NEDD4: variants seen among roughly 807,000 people sequenced by gnomAD.
NEDD4 encodes E3 ubiquitin-protein ligase NEDD4.
A neutral mutation model predicts 144.9 loss-of-function variants in NEDD4; 99 were observed. The observed-to-expected ratio is 0.68, with a 90% CI of 0.58 to 0.81. NEDD4 has a LOEUF of 0.81. Ranked by LOEUF, NEDD4 falls within the 30% of genes least tolerant of loss-of-function variation. NEDD4 has a pLI of 0.00. For missense variants in NEDD4, 985 were observed against 1,065.9 expected, an observed-to-expected ratio of 0.92 and a Z score of 1.06; for synonymous variants, 318 against 350.6, an observed-to-expected ratio of 0.91 and a Z score of 1.04.
chr15:55,911,623 G>A (rs187046644), intron 5 of NEDD4, among the ~76,000 whole-genome samples: 16 of 151,562 alleles, frequency 1.1e-4, no homozygotes, highest in Admixed American at 5.3e-4. Flanking sequence ...TCTGCCTCCC[G>A]GGTCCACGCC....
chr15:55,884,703 A>G (rs1304050723), intron 5 of NEDD4, among the ~76,000 whole-genome samples: 1 of 152,162 alleles, frequency 6.6e-6, no homozygotes, highest in Admixed American at 6.5e-5. Flanking sequence ...TTTATCAAGC[A>G]GAAGAAAGAA....
rs200224565 is a variant in NEDD4, at chr15:55,852,546, A to G, written c.1027-3T>C. 12 of 1,612,662 alleles carry G rather than the reference A, an allele frequency of 7.4e-6. No homozygotes were observed. The East Asian group carries it at 2.0e-4, about 27-fold the overall frequency. On this transcript the variant is annotated splice_polypyrimidine_tract_variant and splice_region_variant and intron_variant, in intron 12 of 28. Coordinates refer to ENST00000435532, the MANE Select transcript of NEDD4 (RefSeq NM_006154.4). ...AATCCAGATGAAGTAGGCAAAAGCTAAAGTGAAGAATAACAGAAGAATTAA... is the reference window on the plus strand; with the variant it reads ...AATCCAGATGAAGTAGGCAAAAGCTGAAGTGAAGAATAACAGAAGAATTAA...
In NEDD4 at chr15:55,848,443, A is replaced by G; in HGVS notation, c.1484-13T>C. On this transcript the variant is annotated splice_polypyrimidine_tract_variant and intron_variant, in intron 16 of 28. Transcript: ENST00000435532. ...GTTCTTTTTATATCTGAAGGGAAGA[A>G]AAAGAAAAAAGATGTACTTTCTCAC... is the stretch of plus-strand genomic sequence containing the variant. 6.2e-7 allele frequency: 1 copy of G among 1,614,048 alleles called. No homozygotes were observed. Among genetic ancestry groups the G allele is most frequent in the Non-Finnish European group, 8.5e-7 (1 of 1,179,910 alleles).
intron 14 of NEDD4, among the ~76,000 whole-genome samples, chr15:55,849,606 C>A (rs936278635): frequency 5.0e-4 from 75 of 151,392 alleles, no homozygotes; most frequent in African/African-American, 1.8e-3. Flanking sequence ...GGAAGGTAAG[C>A]CCAAAAAGGT....
intron 1 of NEDD4, among the ~76,000 whole-genome samples, chr15:55,982,049 T>A (rs1273089248): frequency 6.6e-6 from 1 of 152,182 alleles, no homozygotes; most frequent in African/African-American, 2.4e-5. Flanking sequence ...AGGATACAGA[T>A]GGAGCTGATA....
intron 6 of NEDD4, among the ~76,000 whole-genome samples, chr15:55,872,784 G>A (rs1456493924): frequency 2.0e-5 from 3 of 151,948 alleles, no homozygotes; most frequent in East Asian, 1.9e-4. Flanking sequence ...AAAAGAACAC[G>A]GACTATGCAC....
intron 5 of NEDD4, among the ~76,000 whole-genome samples, chr15:55,875,038 T>C (rs1270681361): frequency 2.0e-5 from 3 of 151,510 alleles, no homozygotes; most frequent in African/African-American, 7.3e-5. Flanking sequence ...CTGTCTCTAT[T>C]AGTTACTATA....
intron 2 of NEDD4, among the ~76,000 whole-genome samples, chr15:55,964,402 CT>C (rs1757713845): frequency 1.3e-5 from 2 of 152,178 alleles, no homozygotes; most frequent in African/African-American, 4.8e-5. Context: ...AATCTTTCCT[CT>C]TCTCCATTTG....
chr15:55,835,420 G>GT (rs56792157), intron 24 of NEDD4, among the ~76,000 whole-genome samples: 40,742 of 108,204 alleles, frequency 0.38, 7,050 homozygotes, highest in East Asian at 0.6. Context: ...CTCCTGTTCT[G>GT]TTTTTTTTTT....
At chr15:55,860,270 A>G (rs2034346864) in intron 11 of NEDD4, 137 bp downstream of exon 11, 1 of 817,112 alleles carries the variant, frequency 1.2e-6, no homozygotes, top group East Asian at 2.7e-5. Flanking sequence ...ACCATGTTGT[A>G]AAGTCCCAAG....
chr15:55,878,924 G>C (rs1479486799), intron 5 of NEDD4, among the ~76,000 whole-genome samples: 1 of 152,234 alleles, frequency 6.6e-6, no homozygotes, highest in Non-Finnish European at 1.5e-5. Flanking sequence ...CCTCGTTCAA[G>C]CGATTCTTCT....
chr15:55,966,350 T>C (rs1265288303), intron 2 of NEDD4, 123 bp downstream of exon 2: 7 of 595,184 alleles, frequency 1.2e-5, no homozygotes, highest in Non-Finnish European at 1.7e-5. Context: ...ACTGGTAATA[T>C]TATTATTATA....
intron 14 of NEDD4, among the ~76,000 whole-genome samples, chr15:55,849,886 G>A (rs1195412832): frequency 6.6e-6 from 1 of 151,044 alleles, no homozygotes; most frequent in African/African-American, 2.4e-5. Flanking sequence ...TCCGCCTCCT[G>A]GGTTCATGCC....
At chr15:55,900,861 ATT>A (rs1186393424) in intron 5 of NEDD4, among the ~76,000 whole-genome samples, 52 of 152,324 alleles carry the variant, frequency 3.4e-4, no homozygotes, top group Admixed American at 8.5e-4. Context: ...TATTAATAAT[ATT>A]TTGTTTAAAA....
chr15:55,884,731 G>C (rs545920581), intron 5 of NEDD4, among the ~76,000 whole-genome samples: 1 of 151,932 alleles, frequency 6.6e-6, no homozygotes, highest in Non-Finnish European at 1.5e-5. Context: ...TTTTAAGAAA[G>C]GCTATTTTAA....
intron 1 of NEDD4, among the ~76,000 whole-genome samples, chr15:55,990,695 A>C (rs16976661): frequency 0.12 from 18,437 of 152,114 alleles, 1,212 homozygotes; most frequent in East Asian, 0.26. Flanking sequence ...GGAGTGTGGG[A>C]AACAGTGTTT....
intron 1 of NEDD4, among the ~76,000 whole-genome samples, 191 bp downstream of exon 1, chr15:55,993,320 G>A (rs1439289769): frequency 6.6e-6 from 1 of 152,220 alleles, no homozygotes; most frequent in Non-Finnish European, 1.5e-5. Context: ...TCCCTCCAGC[G>A]AGCCCCCAGC....
At chr15:55,920,364 C>T (rs1403032069) in intron 5 of NEDD4, among the ~76,000 whole-genome samples, 1 of 152,096 alleles carries the variant, frequency 6.6e-6, no homozygotes, top group African/African-American at 2.4e-5. Context: ...GCTCCTAAAA[C>T]CGGTGGCTGA....
In NEDD4 at chr15:55,829,607, G is replaced by T. The variant is rs1210387954; in HGVS notation, c.*290C>A. The T allele has an allele frequency of 3.8e-6, 1 of 260,894 alleles. No homozygotes were observed. The highest frequency in any genetic ancestry group is 7.3e-6 in the Non-Finnish European group (1 of 136,280). 16.2% of individuals were successfully genotyped at this position (260,894 alleles called of 1,614,324 possible). ...CAAAATTCACTATTTAAGTCATACA[G>T]GACTTATATCCTATTGTGTGAACTC... On this transcript the variant is annotated 3_prime_UTR_variant, in exon 29 of 29. Coordinates refer to ENST00000435532, the MANE Select transcript of NEDD4 (RefSeq NM_006154.4).
Sources: gnomAD v4.1 joint callset for allele counts (sites outside exome capture counted in the v4.1 genomes callset) on GRCh38, gnomAD v4.1.1 for gene constraint, MANE v1.5 for transcripts, NCBI Gene and HGNC (gene_info 2026-07-23, HGNC 2026-07-21) for gene names.